The following RGPD2 variants were observed in gnomAD, a reference collection of about 807,000 sequenced individuals.
RGPD2 encodes RANBP2 like and GRIP domain containing 2.
In RGPD2, 2 loss-of-function variants were observed where a neutral mutation model predicts 36.0. That is an observed-to-expected ratio of 0.06 (90% CI 0.02 to 0.17). RGPD2 has a LOEUF of 0.17. RGPD2 is among the 10% of genes least tolerant of loss of function. The pLI, the probability that RGPD2 is intolerant of heterozygous loss-of-function variation, is 1.00. For synonymous variants in RGPD2, 19 were observed against 163.8 expected, an observed-to-expected ratio of 0.12 and a Z score of 6.75; for missense variants, 40 against 464.3, an observed-to-expected ratio of 0.09 and a Z score of 8.40.
At chr2:87,915,328 T>C in the RGPD2 span, among the ~76,000 whole-genome samples, 1 of 114,028 alleles carries the variant, frequency 8.8e-6, no homozygotes, top group Non-Finnish European at 1.7e-5. Flanking sequence ...ATATTATATA[T>C]ATTGTATATA....
intron 22 of RGPD2, among the ~76,000 whole-genome samples, chr2:87,769,948 A>G: frequency 6.6e-6 from 1 of 151,558 alleles, no homozygotes; most frequent in Non-Finnish European, 1.5e-5. Context: ...GGCCCTTGTG[A>G]CAAAAATACT....
At chr2:87,809,013 A>G (rs1686041089) in intron 6 of RGPD2, among the ~76,000 whole-genome samples, 1 of 90,446 alleles carries the variant, frequency 1.1e-5, no homozygotes, top group Admixed American at 1.3e-4. Flanking sequence ...AGAGGTCAAG[A>G]GATCGAGACC....
chr2:87,958,124 CTA>C, the RGPD2 span, among the ~76,000 whole-genome samples: 1 of 151,646 alleles, frequency 6.6e-6, no homozygotes. Flanking sequence ...TTACTTATAC[CTA>C]CAAATTACGT....
the RGPD2 span, among the ~76,000 whole-genome samples, chr2:87,884,775 A>C: frequency 2.6e-5 from 4 of 152,008 alleles, no homozygotes; most frequent in Non-Finnish European, 5.9e-5. Flanking sequence ...ACCAATAACA[A>C]GTAAAGAGAT....
At chr2:87,770,100 T>TA (rs1269185293) in intron 22 of RGPD2, among the ~76,000 whole-genome samples, 1 of 109,484 alleles carries the variant, frequency 9.1e-6, no homozygotes, top group South Asian at 3.7e-4. Flanking sequence ...AGTATGTCTG[T>TA]AAAAAAAATT....
the RGPD2 span, among the ~76,000 whole-genome samples, chr2:87,911,813 G>C: frequency 6.6e-6 from 1 of 151,766 alleles, no homozygotes; most frequent in Non-Finnish European, 1.5e-5. Flanking sequence ...TGAACACTTT[G>C]AGTTTATGAG....
chr2:87,785,398 A>T (rs898156696), intron 18 of RGPD2, among the ~76,000 whole-genome samples: 1 of 103,840 alleles, frequency 9.6e-6, no homozygotes, highest in African/African-American at 3.5e-5. Context: ...CATCGCTGTG[A>T]TCAACAAGAA....
At chr2:87,807,413 GTCTC>G (rs1336118581) in intron 6 of RGPD2, among the ~76,000 whole-genome samples, 1 of 125,040 alleles carries the variant, frequency 8.0e-6, no homozygotes, top group Non-Finnish European at 1.6e-5. Flanking sequence ...TTGAGACAGA[GTCTC>G]TCACTATCGC....
the RGPD2 span, among the ~76,000 whole-genome samples, chr2:87,948,027 G>A: frequency 5.6e-4 from 85 of 152,204 alleles, no homozygotes; most frequent in South Asian, 5.6e-3. Flanking sequence ...CACTCGCCGC[G>A]GTCCGCCACC....
At chr2:87,920,347 T>C in the RGPD2 span, among the ~76,000 whole-genome samples, 1 of 151,976 alleles carries the variant, frequency 6.6e-6, no homozygotes, top group Non-Finnish European at 1.5e-5. Flanking sequence ...CATTTAGAAC[T>C]ACTCCACTGA....
At chr2:87,988,518 C>A in the RGPD2 span, among the ~76,000 whole-genome samples, 3 of 26,138 alleles carry the variant, frequency 1.1e-4, no homozygotes, top group South Asian at 3.8e-3. Flanking sequence ...CATATATATA[C>A]ATATAAATAT....
the RGPD2 span, among the ~76,000 whole-genome samples, chr2:87,878,333 G>A: frequency 7.3e-6 from 1 of 137,708 alleles, no homozygotes; most frequent in Non-Finnish European, 1.6e-5. Flanking sequence ...TGATACTTGT[G>A]ATTGCATTGT....
the RGPD2 span, among the ~76,000 whole-genome samples, chr2:87,914,169 C>T: frequency 2.4e-4 from 34 of 141,974 alleles, 1 homozygote; most frequent in African/African-American, 8.5e-4. Flanking sequence ...GCACAAATCA[C>T]GTTGCTTTTC....
At chr2:87,781,539 C>T (rs1404089618) in intron 20 of RGPD2, among the ~76,000 whole-genome samples, 1 of 149,252 alleles carries the variant, frequency 6.7e-6, no homozygotes, top group Non-Finnish European at 1.5e-5. Context: ...CAGCTCACTG[C>T]TACCTCCATC....
chr2:87,958,600 CTAAAA>C, the RGPD2 span, among the ~76,000 whole-genome samples: 1 of 152,232 alleles, frequency 6.6e-6, no homozygotes, highest in Non-Finnish European at 1.5e-5. Flanking sequence ...TTTAGAAATT[CTAAAA>C]TAAAATGTTA....
chr2:87,969,934 C>T, the RGPD2 span, among the ~76,000 whole-genome samples: 1 of 147,322 alleles, frequency 6.8e-6, no homozygotes, highest in African/African-American at 2.5e-5. Flanking sequence ...ATATTAAATC[C>T]TTTTTCAGAT....
At chr2:87,988,720 C>T in the RGPD2 span, among the ~76,000 whole-genome samples, 10 of 151,198 alleles carry the variant, frequency 6.6e-5, no homozygotes, top group South Asian at 1.7e-3. Context: ...TTTGTATTTT[C>T]AGTAGAGAAA....
chr2:87,913,029 G>T, the RGPD2 span, among the ~76,000 whole-genome samples: 1 of 151,998 alleles, frequency 6.6e-6, no homozygotes, highest in Non-Finnish European at 1.5e-5. Context: ...TTACTAGGTC[G>T]CTCAGCTGTC....
the RGPD2 span, among the ~76,000 whole-genome samples, chr2:87,846,691 C>G: frequency 1.3e-5 from 2 of 151,588 alleles, no homozygotes; most frequent in East Asian, 3.9e-4. Context: ...GGAGAAATAC[C>G]TTCCTTCTAG....
Sources: allele counts gnomAD v4.1 joint callset (sites outside exome capture counted in the v4.1 genomes callset), GRCh38; gene constraint gnomAD v4.1.1; transcripts MANE v1.5; gene names NCBI Gene and HGNC (gene_info 2026-07-23, HGNC 2026-07-21).